GREB1L: variants seen among roughly 807,000 people sequenced by gnomAD.
GREB1L encodes GREB1-like protein.
In GREB1L, 17 loss-of-function variants were observed where a neutral mutation model predicts 200.8. The observed-to-expected ratio is 0.08, with a 90% CI of 0.06 to 0.13. GREB1L has a LOEUF of 0.13. Among genes scored for constraint, GREB1L ranks in the 10% least tolerant of loss-of-function variants. The pLI is 1.00. For synonymous variants in GREB1L, 789 were observed against 893.0 expected (o/e 0.88, Z 2.08); for missense variants, 1,657 against 2,367.7 (o/e 0.70, Z 6.23).
rs570664311 is a variant in GREB1L at position 21,412,015 on chromosome 18, T to G, written c.832+8021T>G. Among the ~76,000 whole-genome samples, 38 of 128,170 alleles carry G rather than the reference T, an allele frequency of 3.0e-4. 2 individuals carry two copies. In the South Asian group the frequency reaches 8.5e-3, roughly 29 times the overall value. 84.1% of individuals were successfully genotyped at this position (128,170 alleles called of 152,430 possible). On this transcript the variant is annotated intron_variant, in intron 7 of 32. Coordinates refer to ENST00000424526, the MANE Select transcript of GREB1L (RefSeq NM_001142966.3). ...AGCCGAGATTGCGCCACTGCAGTCC[T>G]CAGTCCGGCCTGGGCGACAGAGCGA... is the stretch of plus-strand genomic sequence containing the variant.
intron 1 of GREB1L, among the ~76,000 whole-genome samples, chr18:21,312,175 A>T (rs536039899): frequency 6.6e-6 from 1 of 152,294 alleles, no homozygotes; most frequent in African/African-American, 2.4e-5. Context: ...TCATGGCTGC[A>T]TGGTATTCCA....
chr18:21,349,994 G>T lies in GREB1L; in HGVS notation c.-119-16033G>T, dbSNP rs1473522679. Among the ~76,000 whole-genome samples the T allele has an allele frequency of 3.3e-5, 5 of 152,056 alleles. No homozygotes were observed. In the East Asian group the frequency reaches 9.7e-4, roughly 29 times the overall value. ...AAAACCACCCAAAATATCACCTCTT[G>T]TGTGATGTTGTTTCTGTTTCTTCAG... On this transcript the variant is annotated intron_variant, in intron 1 of 32. Transcript: ENST00000424526.
chr18:21,318,625 C>G (rs2038907981), intron 1 of GREB1L, among the ~76,000 whole-genome samples: 2 of 152,166 alleles, frequency 1.3e-5, no homozygotes, highest in African/African-American at 4.8e-5. Context: ...CATTTTCATG[C>G]ATATTCTATA....
intron 1 of GREB1L, among the ~76,000 whole-genome samples, chr18:21,341,110 A>G (rs1426999792): frequency 5.9e-5 from 9 of 152,216 alleles, no homozygotes; most frequent in African/African-American, 2.2e-4. Flanking sequence ...CAGAGCAGTA[A>G]TGGTCAGGCC....
chr18:21,420,956 C>A (rs1278457193), intron 7 of GREB1L, among the ~76,000 whole-genome samples: 4 of 151,968 alleles, frequency 2.6e-5, no homozygotes, highest in Non-Finnish European at 4.4e-5. Context: ...ATACCCATGA[C>A]AATGTGGATG....
chr18:21,485,977 A>G (rs905477066), intron 18 of GREB1L, among the ~76,000 whole-genome samples: 3 of 152,196 alleles, frequency 2.0e-5, no homozygotes, highest in Non-Finnish European at 2.9e-5. Context: ...CCATTGCACT[A>G]CTTTTCATGC....
Position 21,404,581 on chromosome 18 carries a change from G to C in GREB1L, c.832+587G>C, listed in dbSNP as rs573989317. Among the ~76,000 whole-genome samples the C allele has an allele frequency of 1.6e-4, 25 of 152,302 alleles. No individual in the cohort carries two copies. The East Asian group carries it at 4.4e-3, about 27-fold the overall frequency. On this transcript the variant is annotated intron_variant, in intron 7 of 32. Transcript: ENST00000424526. ...ATGACTGATCCTACTGAGCAGATAA[G>C]CTACCAGTCTGAGGCTTCTAAAAAT... is the stretch of plus-strand genomic sequence containing the variant.
At chr18:21,245,857 A>G (rs2037589891) in intron 1 of GREB1L, among the ~76,000 whole-genome samples, 1 of 152,084 alleles carries the variant, frequency 6.6e-6, no homozygotes, top group Non-Finnish European at 1.5e-5. Context: ...AGCTGTGACT[A>G]CAGGCGCCTG....
intron 1 of GREB1L, among the ~76,000 whole-genome samples, chr18:21,248,302 T>C (rs2037640875): frequency 6.6e-6 from 1 of 152,188 alleles, no homozygotes; most frequent in Non-Finnish European, 1.5e-5. Context: ...TGGGCCACTG[T>C]TGCTAGGCCA....
In GREB1L at chr18:21,525,651, T is replaced by TAATA. The variant is rs2037673507; in HGVS notation, c.*2831_*2834dup. Among the ~76,000 whole-genome samples, 1 of 152,210 alleles carries TAATA rather than the reference T, an allele frequency of 6.6e-6. No homozygotes were observed. The highest frequency in any genetic ancestry group is 1.5e-5 in the Non-Finnish European group (1 of 68,036). ...CAGAACAACTTTGGGTTGCTAAAAC[T>TAATA]AATACAAGGTGTTTGTTATTGTTAA... On this transcript the variant is annotated 3_prime_UTR_variant, in exon 33 of 33. Transcript: ENST00000424526.
At chr18:21,353,538 A>G (rs1042051844) in intron 1 of GREB1L, among the ~76,000 whole-genome samples, 1 of 152,160 alleles carries the variant, frequency 6.6e-6, no homozygotes, top group African/African-American at 2.4e-5. Flanking sequence ...GGTGTGTAAT[A>G]TACAGATGTT....
chr18:21,379,496 C>T (rs989116100), intron 2 of GREB1L, among the ~76,000 whole-genome samples: 8 of 152,166 alleles, frequency 5.3e-5, no homozygotes, highest in Admixed American at 2.6e-4. Flanking sequence ...TGAGCCACCA[C>T]GCCAGGAGGT....
chr18:21,462,252 C>T (rs371705322), intron 15 of GREB1L, among the ~76,000 whole-genome samples: 2 of 152,182 alleles, frequency 1.3e-5, no homozygotes, highest in African/African-American at 4.8e-5. Context: ...GAAAAATAAA[C>T]TTGTTTAATT....
intron 6 of GREB1L, chr18:21,402,025 A>G (rs2041338122): frequency 6.6e-6 from 1 of 152,170 alleles, no homozygotes; most frequent in Admixed American, 6.5e-5. Context: ...AATATTCCAA[A>G]TTACAACTGC....
At chr18:21,298,367 T>A (rs1230681131) in intron 1 of GREB1L, among the ~76,000 whole-genome samples, 1 of 152,264 alleles carries the variant, frequency 6.6e-6, no homozygotes, top group African/African-American at 2.4e-5. Context: ...ATTTGAAAAG[T>A]AACTGTGGTA....
chr18:21,514,660 C>A (rs1172223311), intron 28 of GREB1L, among the ~76,000 whole-genome samples: 2 of 152,184 alleles, frequency 1.3e-5, no homozygotes, highest in Non-Finnish European at 2.9e-5. Flanking sequence ...TGGTGTTGAA[C>A]TCCTGGGCTC....
At chr18:21,498,792 C>A (rs1231935246) in intron 21 of GREB1L, among the ~76,000 whole-genome samples, 1 of 152,144 alleles carries the variant, frequency 6.6e-6, no homozygotes, top group Non-Finnish European at 1.5e-5. Flanking sequence ...AGCTCTCCCC[C>A]AAGGCAGAGA....
intron 7 of GREB1L, among the ~76,000 whole-genome samples, chr18:21,428,230 G>T (rs2032785577): frequency 1.5e-5 from 2 of 135,032 alleles, no homozygotes; most frequent in African/African-American, 2.7e-5. Context: ...AAAAAAAAGA[G>T]TGGACATATC....
chr18:21,520,418 C>T (rs898124708), intron 31 of GREB1L, among the ~76,000 whole-genome samples: 8 of 152,184 alleles, frequency 5.3e-5, no homozygotes, highest in Admixed American at 3.9e-4. Context: ...AATGGAAGGG[C>T]TTGTTTCTTA....
Sources: gnomAD v4.1 joint callset for allele counts (sites outside exome capture counted in the v4.1 genomes callset) on GRCh38, gnomAD v4.1.1 for gene constraint, MANE v1.5 for transcripts, NCBI Gene and HGNC (gene_info 2026-07-23, HGNC 2026-07-21) for gene names.